The following TMEM178B variants were observed in gnomAD, a reference collection of about 807,000 sequenced individuals.
The protein encoded by TMEM178B is transmembrane protein 178B.
A neutral mutation model predicts 31.0 loss-of-function variants in TMEM178B; 5 were observed. The ratio of observed to expected loss-of-function variants is 0.16; its 90% CI spans 0.08 to 0.34. TMEM178B has a LOEUF of 0.34. Among genes scored for constraint, TMEM178B ranks in the 10% least tolerant of loss-of-function variants. The probability of loss-of-function intolerance (pLI) is 1.00; values close to 1 mark genes in which losing one functional copy is unlikely to be tolerated. For missense variants in TMEM178B, 275 were observed against 400.3 expected, an observed-to-expected ratio of 0.69 and a Z score of 2.67; for synonymous variants, 164 against 164.0, an observed-to-expected ratio of 1.00 and a Z score of 0.00.
At chr7:141,108,544 G>C (rs1795182385) in intron 1 of TMEM178B, among the ~76,000 whole-genome samples, 1 of 152,174 alleles carries the variant, frequency 6.6e-6, no homozygotes, top group South Asian at 2.1e-4. Flanking sequence ...TGGTATTGAA[G>C]GATGCAAGAT....
intron 2 of TMEM178B, among the ~76,000 whole-genome samples, chr7:141,424,350 A>G (rs1336073080): frequency 6.6e-6 from 1 of 152,346 alleles, no homozygotes; most frequent in African/African-American, 2.4e-5. Flanking sequence ...AAGGAAGCTC[A>G]GGCCTCCAAA....
chr7:141,457,400 G>A (rs1801984606), intron 3 of TMEM178B, among the ~76,000 whole-genome samples: 1 of 152,170 alleles, frequency 6.6e-6, no homozygotes, highest in South Asian at 2.1e-4. Flanking sequence ...ATATATGTAT[G>A]TATGTGTGTA....
At chr7:141,335,671 A>G (rs963111981) in intron 2 of TMEM178B, among the ~76,000 whole-genome samples, 3 of 152,094 alleles carry the variant, frequency 2.0e-5, no homozygotes, top group Admixed American at 6.5e-5. Context: ...CCTCTCCCCC[A>G]TTAGCGCAAT....
chr7:141,373,993 A>G (rs1192564867), intron 2 of TMEM178B, among the ~76,000 whole-genome samples: 1 of 152,216 alleles, frequency 6.6e-6, no homozygotes, highest in Non-Finnish European at 1.5e-5. Context: ...GGAAATGGCC[A>G]TGATTTTCAA....
intron 3 of TMEM178B, among the ~76,000 whole-genome samples, chr7:141,438,947 C>T (rs929445527): frequency 6.6e-6 from 1 of 151,488 alleles, no homozygotes; most frequent in African/African-American, 2.4e-5. Context: ...CATTTAGAAA[C>T]AAATGTCAGT....
chr7:141,452,408 G>T (rs1801882229), intron 3 of TMEM178B, among the ~76,000 whole-genome samples: 1 of 152,180 alleles, frequency 6.6e-6, no homozygotes. Flanking sequence ...AAATTAGCTT[G>T]TTTTCTTCAC....
chr7:141,475,730 G>A lies in TMEM178B; in HGVS notation c.*4944G>A, dbSNP rs536697685. 1.3e-5 allele frequency: 2 copies of A among 152,258 alleles called. No individual in the cohort carries two copies. Among genetic ancestry groups the A allele is most frequent in the African/African-American group, 4.8e-5 (2 of 41,554 alleles). The allele number at this position is 152,258 out of a possible 1,614,324, so 9.4% of individuals were successfully genotyped here. A position where few individuals can be genotyped will look rare whatever the true frequency, so the allele number is the denominator to read the frequency against. On this transcript the variant is annotated 3_prime_UTR_variant, in exon 4 of 4. Coordinates refer to ENST00000565468, the MANE Select transcript of TMEM178B (RefSeq NM_001195278.2). ...CAGACCTTAGGGGCAGGATGGAGCAGGGCTAAAAGATGTCTCTTTGGGCCT... is the reference window on the plus strand; with the variant it reads ...CAGACCTTAGGGGCAGGATGGAGCAAGGCTAAAAGATGTCTCTTTGGGCCT...
chr7:141,462,258 G>A (rs1319071289), intron 3 of TMEM178B, among the ~76,000 whole-genome samples: 1 of 152,086 alleles, frequency 6.6e-6, no homozygotes, highest in African/African-American at 2.4e-5. Flanking sequence ...ATCCTACTAG[G>A]GAAGCAAGAC....
chr7:141,125,266 A>T (rs1223027686), intron 1 of TMEM178B, among the ~76,000 whole-genome samples: 1 of 152,218 alleles, frequency 6.6e-6, no homozygotes, highest in Non-Finnish European at 1.5e-5. Flanking sequence ...TTAAACAGAT[A>T]TGCCATACAT....
chr7:141,491,502 A>C, the TMEM178B span, among the ~76,000 whole-genome samples: 1 of 151,996 alleles, frequency 6.6e-6, no homozygotes, highest in East Asian at 1.9e-4. Flanking sequence ...GAGGGAAAAC[A>C]CTCCCTATGT....
At chr7:141,376,862 A>G (rs1800223754) in intron 2 of TMEM178B, among the ~76,000 whole-genome samples, 1 of 152,198 alleles carries the variant, frequency 6.6e-6, no homozygotes, top group African/African-American at 2.4e-5. Context: ...CCTTGATTAG[A>G]TTAAATTGGA....
chr7:141,343,307 A>G (rs903803100), intron 2 of TMEM178B, among the ~76,000 whole-genome samples: 4 of 152,164 alleles, frequency 2.6e-5, no homozygotes, highest in African/African-American at 9.7e-5. Flanking sequence ...ACCTCACCCT[A>G]GTCCTGGGAT....
intron 2 of TMEM178B, among the ~76,000 whole-genome samples, chr7:141,275,163 A>G (rs556576068): frequency 6.6e-6 from 1 of 152,200 alleles, no homozygotes; most frequent in Non-Finnish European, 1.5e-5. Flanking sequence ...CTGATGAAGG[A>G]TTTGTATTCA....
intron 1 of TMEM178B, among the ~76,000 whole-genome samples, chr7:141,162,822 C>T (rs1796197370): frequency 6.6e-6 from 1 of 152,186 alleles, no homozygotes; most frequent in Non-Finnish European, 1.5e-5. Flanking sequence ...AGGCAGATTT[C>T]CTGATCCATT....
chr7:141,432,641 TTC>T (rs1347058374), intron 2 of TMEM178B, among the ~76,000 whole-genome samples: 1 of 152,224 alleles, frequency 6.6e-6, no homozygotes, highest in African/African-American at 2.4e-5. Flanking sequence ...TTTAATAGTA[TTC>T]TGTTTTTGTT....
chr7:141,112,983 A>C (rs1159416123), intron 1 of TMEM178B, among the ~76,000 whole-genome samples: 2 of 152,242 alleles, frequency 1.3e-5, no homozygotes, highest in Non-Finnish European at 2.9e-5. Context: ...AACCAGAGGC[A>C]GACCACTGGG....
intron 1 of TMEM178B, among the ~76,000 whole-genome samples, chr7:141,077,660 T>G (rs189872754): frequency 6.6e-6 from 1 of 152,390 alleles, no homozygotes; most frequent in Admixed American, 6.5e-5. Flanking sequence ...GACCATCATT[T>G]GTTAAATACA....
At chr7:141,375,488 A>G (rs1800197240) in intron 2 of TMEM178B, among the ~76,000 whole-genome samples, 1 of 152,246 alleles carries the variant, frequency 6.6e-6, no homozygotes, top group Non-Finnish European at 1.5e-5. Flanking sequence ...TGCTGATTTT[A>G]GCAGACAGGA....
chr7:141,157,673 C>A (rs1009154137), intron 1 of TMEM178B, among the ~76,000 whole-genome samples: 1 of 152,236 alleles, frequency 6.6e-6, no homozygotes, highest in African/African-American at 2.4e-5. Flanking sequence ...ACTTGCACAT[C>A]TGTGAAATGG....
Sources: gnomAD v4.1 joint callset for allele counts (sites outside exome capture counted in the v4.1 genomes callset) on GRCh38, gnomAD v4.1.1 for gene constraint, MANE v1.5 for transcripts, NCBI Gene and HGNC (gene_info 2026-07-23, HGNC 2026-07-21) for gene names.